Variants in ABCC9 observed in about 807,000 individuals in gnomAD.
ABCC9 encodes the protein ATP-binding cassette sub-family C member 9.
A neutral mutation model predicts 188.3 loss-of-function variants in ABCC9; 95 were observed. The ratio of observed to expected loss-of-function variants is 0.50; its 90% CI spans 0.43 to 0.60. The LOEUF (loss-of-function observed/expected upper bound fraction) is 0.60, where lower values mean the gene tolerates loss of function less well. ABCC9 is among the 20% of genes least tolerant of loss of function. ABCC9 has a pLI of 0.00. For synonymous variants in ABCC9, 659 were observed against 652.7 expected (o/e 1.01, Z -0.15); for missense variants, 1,102 against 1,876.3 (o/e 0.59, Z 7.62).
intron 30 of ABCC9, among the ~76,000 whole-genome samples, chr12:21,829,437 G>A (rs945741426): frequency 3.9e-5 from 6 of 152,062 alleles, no homozygotes; most frequent in African/African-American, 7.2e-5. Flanking sequence ...TCCTGACCTT[G>A]TGATCCGCCC....
chr12:21,915,684 GCA>G lies in ABCC9; in HGVS notation c.798_799del (p.Ala267IlefsTer2). 2 of 1,611,398 alleles carry G rather than the reference GCA, an allele frequency of 1.2e-6. No individual in the cohort carries two copies. Among genetic ancestry groups the G allele is most frequent in the Non-Finnish European group, 1.7e-6 (2 of 1,179,218 alleles). Reference sequence around the variant, plus strand: ...CTAAATCACCTTTTGTTCTTCATATGCATCTTTCAGGCAAACATAATTTGTTA... The same window carrying G: ...CTAAATCACCTTTTGTTCTTCATATGTCTTTCAGGCAAACATAATTTGTTA... On this transcript the variant is annotated frameshift_variant, in exon 7 of 40. Transcript: ENST00000261200. LOFTEE classifies it high-confidence loss of function.
chr12:21,854,596 T>C (rs1034862039), intron 22 of ABCC9, among the ~76,000 whole-genome samples: 3 of 152,226 alleles, frequency 2.0e-5, no homozygotes, highest in African/African-American at 4.8e-5. Context: ...ACATCAATTA[T>C]TTCTGAGATG....
chr12:21,838,056 A>G (rs1447040031), intron 30 of ABCC9, 22 bp downstream of exon 30: 9 of 1,550,608 alleles, frequency 5.8e-6, no homozygotes, highest in Non-Finnish European at 8.0e-6. Flanking sequence ...TAGTCAGCTA[A>G]TATAAAAATG....
intron 12 of ABCC9, among the ~76,000 whole-genome samples, chr12:21,900,335 T>C (rs919246270): frequency 6.6e-6 from 1 of 151,848 alleles, no homozygotes; most frequent in Non-Finnish European, 1.5e-5. Flanking sequence ...AGACCAAAGG[T>C]AGATAAAACC....
intron 36 of ABCC9, among the ~76,000 whole-genome samples, chr12:21,810,804 C>A (rs1361092747): frequency 6.6e-6 from 1 of 152,152 alleles, no homozygotes. Context: ...TGCTAAATTA[C>A]TTGACACATC....
Position 21,936,521 on chromosome 12 carries a change from T to A in ABCC9, c.142+12A>T. ...CATCAAATGGTATAACATAAGATAC[T>A]AGATTACTTACCAATAAACAATATT... is the stretch of plus-strand genomic sequence containing the variant. On this transcript the variant is annotated intron_variant, in intron 3 of 39. Coordinates refer to ENST00000261200, the MANE Select transcript of ABCC9 (RefSeq NM_020297.4). 6.2e-7 allele frequency: 1 copy of A among 1,604,456 alleles called. No individual in the cohort carries two copies. Among genetic ancestry groups the A allele is most frequent in the Non-Finnish European group, 8.5e-7 (1 of 1,171,916 alleles).
intron 4 of ABCC9, among the ~76,000 whole-genome samples, chr12:21,933,026 T>TCCCAGCACTTTGGGAGGCCGAG (rs1949349436): frequency 1.4e-5 from 1 of 72,462 alleles, no homozygotes; most frequent in Admixed American, 1.4e-4. Context: ...ATGTGGTACA[T>TCCCAGCACTTTGGGAGGCCGAG]ATACACTATG....
At chr12:21,852,852 CTT>C (rs1313818667) in intron 22 of ABCC9, among the ~76,000 whole-genome samples, 1 of 152,096 alleles carries the variant, frequency 6.6e-6, no homozygotes, top group African/African-American at 2.4e-5. Context: ...GAAAAACAAA[CTT>C]TGTAAAATTA....
At chr12:21,829,474 T>A (rs2137278864) in intron 30 of ABCC9, among the ~76,000 whole-genome samples, 1 of 152,264 alleles carries the variant, frequency 6.6e-6, no homozygotes, top group South Asian at 2.1e-4. Context: ...GTGCTGGGAT[T>A]ACAGGCGTGT....
chr12:21,882,797 C>T lies in ABCC9; in HGVS notation c.1988G>A (p.Arg663His), dbSNP rs141999048. 126 of 1,613,722 alleles carry T rather than the reference C, an allele frequency of 7.8e-5. No homozygotes were observed. The East Asian group carries it at 1.3e-3, about 17-fold the overall frequency. Residue 663 changes from arginine to histidine, a missense_variant, in exon 16 of 40, where the codon CGT (arginine) becomes CAT (histidine). This residue lies in a region of ABCC9 where 258 missense variants were observed against 325.6 expected (regional missense o/e 0.79). Coordinates refer to ENST00000261200, the MANE Select transcript of ABCC9 (RefSeq NM_020297.4). ...TGCAATGTCCTCTGTTTCTGCGGGA[C>T]GTAGACGCCGTGTTGATTGCTCATA... is the stretch of plus-strand genomic sequence containing the variant. The part of the protein sequence containing the change: ...DSYEQSTRRL[R>H]PAETEDIAIK...
intron 35 of ABCC9, 92 bp downstream of exon 35, chr12:21,814,551 AT>A: frequency 9.4e-7 from 1 of 1,064,622 alleles, no homozygotes; most frequent in Admixed American, 1.8e-5. Context: ...CCTTATAAAT[AT>A]TTGCTTTTGA....
chr12:21,894,199 G>C (rs759462649), intron 13 of ABCC9, 25 bp from the exon 14 acceptor site: 9 of 1,613,630 alleles, frequency 5.6e-6, no homozygotes, highest in Non-Finnish European at 7.6e-6. Flanking sequence ...GAGTTCTTTA[G>C]AGAAAGCTGG....
At position 21,798,481 on chromosome 12, in the gene ABCC9, A is replaced by G. The variant is rs1245280404; in HGVS notation, c.*2563T>C. ...GTCTTCTTTTGAGAAGTGTCTGTTC[A>G]TGTCCTTCACCCACTTTTTGATGGG... On this transcript the variant is annotated 3_prime_UTR_variant, in exon 40 of 40. Coordinates refer to ENST00000261200, the MANE Select transcript of ABCC9 (RefSeq NM_020297.4). 2 of 150,344 alleles carry G rather than the reference A, an allele frequency of 1.3e-5. No individual in the cohort carries two copies. The highest frequency in any genetic ancestry group is 3.0e-5 in the Non-Finnish European group (2 of 67,686). 9.3% of individuals were successfully genotyped at this position (150,344 alleles called of 1,614,324 possible). A position where few individuals can be genotyped will look rare whatever the true frequency, so the allele number is the denominator to read the frequency against.
intron 18 of ABCC9, among the ~76,000 whole-genome samples, chr12:21,869,026 C>A (rs1159460986): frequency 2.6e-5 from 4 of 151,986 alleles, no homozygotes; most frequent in African/African-American, 9.7e-5. Flanking sequence ...ATAAGTAATT[C>A]TTTTAATTAA....
chr12:21,844,355 A>G, intron 28 of ABCC9, 128 bp downstream of exon 28: 2 of 773,236 alleles, frequency 2.6e-6, no homozygotes, highest in Non-Finnish European at 4.4e-6. Context: ...TGATACAAAT[A>G]CAAATGGGCC....
At chr12:21,804,456 C>T (rs1311335553) in intron 39 of ABCC9, among the ~76,000 whole-genome samples, 1 of 152,184 alleles carries the variant, frequency 6.6e-6, no homozygotes, top group African/African-American at 2.4e-5. Context: ...CAAAATATCT[C>T]CCTACCTTTT....
At chr12:21,910,101 T>C in intron 10 of ABCC9, 56 bp downstream of exon 10, 2 of 1,491,210 alleles carry the variant, frequency 1.3e-6, no homozygotes, top group East Asian at 2.3e-5. Flanking sequence ...ACATTACTGC[T>C]TTTTTTGTTT....
At chr12:21,881,926 T>C (rs1946637372) in intron 16 of ABCC9, among the ~76,000 whole-genome samples, 1 of 152,152 alleles carries the variant, frequency 6.6e-6, no homozygotes, top group Non-Finnish European at 1.5e-5. Context: ...TGCATCAAAT[T>C]AGTGGAAAAG....
intron 29 of ABCC9, 49 bp from the exon 30 acceptor site, chr12:21,838,219 A>C: frequency 8.1e-7 from 1 of 1,237,582 alleles, no homozygotes; most frequent in Non-Finnish European, 1.2e-6. Flanking sequence ...CCAGACTCAA[A>C]GACTACCATG....
Sources: allele counts gnomAD v4.1 joint callset (sites outside exome capture counted in the v4.1 genomes callset), GRCh38; gene constraint gnomAD v4.1.1; regional missense constraint gnomAD v4.1.1; transcripts MANE v1.5; gene names NCBI Gene and HGNC (gene_info 2026-07-23, HGNC 2026-07-21).